Variants in DBT observed in about 807,000 individuals in gnomAD.
DBT encodes the protein dihydrolipoamide branched chain transacylase E2, also known as lipoamide acyltransferase component of branched-chain alpha-keto acid dehydrogenase complex, mitochondrial.
A neutral mutation model predicts 51.3 loss-of-function variants in DBT; 40 were observed. That is an observed-to-expected ratio of 0.78 (90% CI 0.61 to 1.02). The LOEUF (loss-of-function observed/expected upper bound fraction) is 1.02. DBT is among the 50% of genes least tolerant of loss of function. The pLI is 0.00. For missense variants in DBT, 510 were observed against 580.2 expected (o/e 0.88, Z 1.24); for synonymous variants, 181 against 190.4 (o/e 0.95, Z 0.41).
Position 100,194,843 on chromosome 1 carries a change from A to T in DBT, c.*1412T>A, listed in dbSNP as rs1312306289. On this transcript the variant is annotated 3_prime_UTR_variant, in exon 11 of 11. Coordinates refer to ENST00000370132, the MANE Select transcript of DBT (RefSeq NM_001918.5). ...AGAAAAACCAAGTAGATATTAAAAC[A>T]ACCTTTTTTCTGTCACAAAACTTCA... 6.6e-6 allele frequency: 1 copy of T among 152,218 alleles called. No individual in the cohort carries two copies. Among genetic ancestry groups the T allele is most frequent in the African/African-American group, 2.4e-5 (1 of 41,462 alleles). The allele number at this position is 152,218 out of a possible 1,614,324, so 9.4% of individuals were successfully genotyped here.
At chr1:100,237,296 G>C (rs1481718346) in intron 2 of DBT, among the ~76,000 whole-genome samples, 1 of 152,160 alleles carries the variant, frequency 6.6e-6, no homozygotes, top group Admixed American at 6.6e-5. Context: ...AGACCATCTT[G>C]GACTTTCCAG....
chr1:100,202,468 T>G (rs1661513782), intron 10 of DBT, among the ~76,000 whole-genome samples: 1 of 152,118 alleles, frequency 6.6e-6, no homozygotes, highest in Admixed American at 6.5e-5. Flanking sequence ...ATGGGAGACT[T>G]TAACACCCCA....
Position 100,215,074 on chromosome 1 carries a change from C to A in DBT, c.773-91G>T, listed in dbSNP as rs531943225. The A allele has an allele frequency of 1.2e-5, 11 of 896,016 alleles. No individual in the cohort carries two copies. The East Asian group carries it at 2.4e-4, about 19-fold the overall frequency. 55.5% of individuals were successfully genotyped at this position (896,016 alleles called of 1,614,324 possible). A position where few individuals can be genotyped will look rare whatever the true frequency, so the allele number is the denominator to read the frequency against. The stretch of plus-strand genomic sequence containing the variant: ...TTTAAAGAAACTAAAATGGAAGGTT[C>A]TCTAATGTCTTTTACTCTCTCAGTT... On this transcript the variant is annotated intron_variant, in intron 6 of 10. Coordinates refer to ENST00000370132, the MANE Select transcript of DBT (RefSeq NM_001918.5).
intron 3 of DBT, among the ~76,000 whole-genome samples, chr1:100,233,406 C>T (rs1196832219): frequency 6.6e-6 from 1 of 152,216 alleles, no homozygotes; most frequent in African/African-American, 2.4e-5. Flanking sequence ...CAAAACCACA[C>T]TAACTTCTGT....
chr1:100,194,057 C>T lies in DBT; in HGVS notation c.*2198G>A, dbSNP rs547859297. ...GAATAGCCATACATACAGATAGATA[C>T]ATCAAAATGTTAATAGTGGTAAGAT... On this transcript the variant is annotated 3_prime_UTR_variant, in exon 11 of 11. Transcript: ENST00000370132. The T allele has an allele frequency of 1.3e-5, 2 of 152,298 alleles. No homozygotes were observed. Among genetic ancestry groups the T allele is most frequent in the East Asian group, 1.9e-4 (1 of 5,190 alleles). The allele number at this position is 152,298 out of a possible 1,614,324, so 9.4% of individuals were successfully genotyped here.
intron 4 of DBT, among the ~76,000 whole-genome samples, chr1:100,220,350 T>A (rs1344633107): frequency 1.3e-5 from 2 of 152,192 alleles, no homozygotes; most frequent in African/African-American, 4.8e-5. Flanking sequence ...TATAGCAGAA[T>A]CTGTCTGAAT....
intron 4 of DBT, among the ~76,000 whole-genome samples, chr1:100,228,224 C>T (rs1483019071): frequency 1.3e-5 from 2 of 152,124 alleles, no homozygotes; most frequent in East Asian, 1.9e-4. Flanking sequence ...AATAACACCA[C>T]AATGCAACAA....
Position 100,242,601 on chromosome 1 carries a change from A to G in DBT, c.52-1717T>C, listed in dbSNP as rs139573148. Among the ~76,000 whole-genome samples the G allele has an allele frequency of 4.9e-3, 748 of 152,314 alleles. 6 individuals carry two copies. Among genetic ancestry groups the G allele is most frequent in the African/African-American group, 0.018 (735 of 41,568 alleles). ...ATAAAGCCTAACTAAAATAATTAAAATTGATAACTTAAAACCAGAAGACAA... is the reference window on the plus strand; with the variant it reads ...ATAAAGCCTAACTAAAATAATTAAAGTTGATAACTTAAAACCAGAAGACAA... On this transcript the variant is annotated intron_variant, in intron 1 of 10. Coordinates refer to ENST00000370132, the MANE Select transcript of DBT (RefSeq NM_001918.5).
chr1:100,201,728 A>C (rs1026225585), intron 10 of DBT, among the ~76,000 whole-genome samples: 2 of 152,260 alleles, frequency 1.3e-5, no homozygotes, highest in Non-Finnish European at 2.9e-5. Context: ...TCTACAAGCC[A>C]GAAGAGTGTG....
intron 8 of DBT, 177 bp downstream of exon 8, chr1:100,210,517 T>A (rs1187200458): frequency 2.3e-6 from 2 of 853,502 alleles, no homozygotes; most frequent in Non-Finnish European, 1.8e-6. Context: ...CTAAACAGTA[T>A]TATTAACACA....
chr1:100,240,642 G>A (rs1439157238), intron 2 of DBT, 119 bp downstream of exon 2: 14 of 816,056 alleles, frequency 1.7e-5, no homozygotes, highest in Middle Eastern at 3.6e-4. Context: ...GGAAGGGCCC[G>A]GCTAGAAATA....
chr1:100,223,500 T>C (rs944945861), intron 4 of DBT, among the ~76,000 whole-genome samples: 11 of 152,200 alleles, frequency 7.2e-5, no homozygotes, highest in African/African-American at 2.2e-4. Flanking sequence ...TGGGTCTTGC[T>C]CTGTCACCTG....
Position 100,238,672 on chromosome 1 carries a change from A to AT in DBT, c.175+2088dup, listed in dbSNP as rs564992894. Among the ~76,000 whole-genome samples the AT allele has an allele frequency of 8.4e-3, 1,282 of 152,106 alleles. 11 individuals carry two copies. Among genetic ancestry groups the AT allele is most frequent in the Non-Finnish European group, 0.013 (910 of 67,982 alleles). ...CACCATGCTCAGCTGACTTTTTAAA[A>AT]TTTTTTGTAGAGGCAGGGTCTCATA... On this transcript the variant is annotated intron_variant, in intron 2 of 10. Transcript: ENST00000370132.
At chr1:100,223,100 T>C (rs1158680078) in intron 4 of DBT, among the ~76,000 whole-genome samples, 1 of 152,170 alleles carries the variant, frequency 6.6e-6, no homozygotes, top group African/African-American at 2.4e-5. Context: ...TCTAGTACAG[T>C]GGTGAATGTT....
chr1:100,241,276 A>G (rs1664188978), intron 1 of DBT, among the ~76,000 whole-genome samples: 1 of 152,128 alleles, frequency 6.6e-6, no homozygotes, highest in African/African-American at 2.4e-5. Context: ...ATAGTACCTT[A>G]GTATAATATT....
chr1:100,215,052 A>C, intron 6 of DBT, 69 bp from the exon 7 acceptor site: 1 of 739,914 alleles, frequency 1.4e-6, no homozygotes, highest in South Asian at 1.7e-5. Flanking sequence ...TTTTTTTTTT[A>C]AAGAAACTAA....
Position 100,230,828 on chromosome 1 carries a change from C to T in DBT, c.338G>A (p.Arg113His), listed in dbSNP as rs372328685. 10 of 1,599,274 alleles carry T rather than the reference C, an allele frequency of 6.3e-6. No individual in the cohort carries two copies. The highest frequency in any genetic ancestry group is 2.2e-5 in the East Asian group (1 of 44,734). Residue 113 changes from arginine to histidine, a missense_variant, in exon 4 of 11, where the codon CGT becomes CAT. Physicochemically the swap from Arg to His is conservative, Grantham distance 29. Transcript: ENST00000370132. Reference sequence around the variant, plus strand: ...GAGTTTTTTAATGACTCCATCATAACGACTAGTGATGGTAACAGAAGCTTT... The same window carrying T: ...GAGTTTTTTAATGACTCCATCATAATGACTAGTGATGGTAACAGAAGCTTT... ...SDKASVTITS[R>H]YDGVIKKLYY...
At position 100,213,325 on chromosome 1, in the gene DBT, G is replaced by A. The variant is rs578176376; in HGVS notation, c.939+1492C>T. 4.7e-5 allele frequency: 71 copies of A among 1,503,802 alleles called. 1 individual carries two copies. In the East Asian group the frequency reaches 1.1e-3, roughly 23 times the overall value. The allele number at this position is 1,503,802 out of a possible 1,614,324, so 93.2% of individuals were successfully genotyped here. ...ACAAGACTCTGCTGCAGGAGCGGCCGCCCGCCTACAACCTGGAGGCCGGCC... is the reference window on the plus strand; with the variant it reads ...ACAAGACTCTGCTGCAGGAGCGGCCACCCGCCTACAACCTGGAGGCCGGCC... On this transcript the variant is annotated intron_variant, in intron 7 of 10. Coordinates refer to ENST00000370132, the MANE Select transcript of DBT (RefSeq NM_001918.5).
rs1331475531 is a variant in DBT at position 100,195,456 on chromosome 1, G to C, written c.*799C>G. Reference sequence around the variant, plus strand: ...ACTATCAGATGATATTCTCTATACAGAGCAAGAATATACTCTTGGATATCT... The same window carrying C: ...ACTATCAGATGATATTCTCTATACACAGCAAGAATATACTCTTGGATATCT... On this transcript the variant is annotated 3_prime_UTR_variant, in exon 11 of 11. Transcript: ENST00000370132. 1.3e-5 allele frequency: 2 copies of C among 152,326 alleles called. No homozygotes were observed. Among genetic ancestry groups the C allele is most frequent in the African/African-American group, 4.8e-5 (2 of 41,374 alleles). 9.4% of individuals were successfully genotyped at this position (152,326 alleles called of 1,614,324 possible). A position where few individuals can be genotyped will look rare whatever the true frequency, so the allele number is the denominator to read the frequency against.
Sources: allele counts gnomAD v4.1 joint callset (sites outside exome capture counted in the v4.1 genomes callset), GRCh38; gene constraint gnomAD v4.1.1; transcripts MANE v1.5; gene names NCBI Gene and HGNC (gene_info 2026-07-23, HGNC 2026-07-21).